The following FER variants were observed in gnomAD, a reference collection of about 807,000 sequenced individuals.
FER encodes the protein tyrosine-protein kinase Fer.
A neutral mutation model predicts 111.0 loss-of-function variants in FER; 63 were observed. The observed-to-expected ratio is 0.57, with a 90% CI of 0.46 to 0.70. The LOEUF is 0.70. Among genes scored for constraint, FER ranks in the 30% least tolerant of loss-of-function variants. FER has a pLI of 0.00. For synonymous variants in FER, 327 were observed against 313.9 expected, an observed-to-expected ratio of 1.04 and a Z score of -0.44; for missense variants, 914 against 954.0, an observed-to-expected ratio of 0.96 and a Z score of 0.55.
At chr5:109,100,859 T>G (rs1748140738) in intron 17 of FER, among the ~76,000 whole-genome samples, 1 of 135,094 alleles carries the variant, frequency 7.4e-6, no homozygotes, top group Admixed American at 7.1e-5. Context: ...ATGTGTTGTC[T>G]ATTCTCATTT....
chr5:108,797,778 T>A (rs1055602404), intron 2 of FER, among the ~76,000 whole-genome samples: 1 of 152,234 alleles, frequency 6.6e-6, no homozygotes, highest in Non-Finnish European at 1.5e-5. Flanking sequence ...GAGGCATAAT[T>A]GGTGGAGGCT....
chr5:108,860,371 C>G (rs1231321508), intron 5 of FER, among the ~76,000 whole-genome samples: 2 of 152,118 alleles, frequency 1.3e-5, no homozygotes, highest in Non-Finnish European at 2.9e-5. Context: ...GCCATTTAAT[C>G]TACATTACAA....
intron 10 of FER, among the ~76,000 whole-genome samples, chr5:108,922,211 G>T (rs933263406): frequency 1.3e-5 from 2 of 152,146 alleles, no homozygotes; most frequent in African/African-American, 4.8e-5. Context: ...TCAGACTTCT[G>T]GCCTCCAGAA....
intron 10 of FER, among the ~76,000 whole-genome samples, chr5:108,898,313 C>T (rs995516497): frequency 6.6e-6 from 1 of 152,112 alleles, no homozygotes; most frequent in African/African-American, 2.4e-5. Context: ...CCTTAGACTA[C>T]AATAAATACA....
At chr5:108,802,829 A>G (rs1756819104) in intron 3 of FER, among the ~76,000 whole-genome samples, 1 of 152,080 alleles carries the variant, frequency 6.6e-6, no homozygotes, top group African/African-American at 2.4e-5. Context: ...GTTTGGTAGA[A>G]CTATTTATTT....
intron 9 of FER, among the ~76,000 whole-genome samples, chr5:108,885,954 T>G (rs1040241016): frequency 2.0e-5 from 3 of 151,936 alleles, no homozygotes; most frequent in African/African-American, 7.2e-5. Context: ...ACAAAAGAAT[T>G]ATCTTTTGCT....
chr5:108,959,115 A>T (rs1242344777), intron 12 of FER, 110 bp from the exon 13 acceptor site: 2 of 1,082,036 alleles, frequency 1.8e-6, no homozygotes, highest in East Asian at 2.5e-5. Flanking sequence ...GTATATTCAC[A>T]TTGTTGTGCA....
At chr5:109,169,059 C>A (rs1284423139) in intron 17 of FER, among the ~76,000 whole-genome samples, 1 of 152,082 alleles carries the variant, frequency 6.6e-6, no homozygotes, top group Admixed American at 6.6e-5. Context: ...TTTGCTCAGA[C>A]AAATAATCCT....
chr5:108,809,901 A>G (rs1195764923), intron 3 of FER, among the ~76,000 whole-genome samples: 2 of 152,118 alleles, frequency 1.3e-5, no homozygotes, highest in South Asian at 4.1e-4. Context: ...CTGAGTTTCC[A>G]GTTTGGTTAC....
intron 5 of FER, chr5:108,842,497 C>G (rs555399050): frequency 6.6e-6 from 1 of 152,096 alleles, no homozygotes; most frequent in Admixed American, 6.5e-5. Flanking sequence ...ATACACCTAA[C>G]AAAGGACTAA....
At chr5:108,903,955 C>A (rs77519260) in intron 10 of FER, among the ~76,000 whole-genome samples, 1 of 152,098 alleles carries the variant, frequency 6.6e-6, no homozygotes, top group Non-Finnish European at 1.5e-5. Context: ...AATGATATGC[C>A]TGCTGTTCTT....
At chr5:108,872,255 T>C in intron 8 of FER, 43 bp downstream of exon 8, 1 of 1,500,278 alleles carries the variant, frequency 6.7e-7, no homozygotes, top group South Asian at 1.2e-5. Context: ...ACTAGTATTA[T>C]TATTGCTTTA....
Position 108,946,220 on chromosome 5 carries a change from G to A in FER, c.1327G>A (p.Ala443Thr), listed in dbSNP as rs34259824. ...RSPKSALGSSALSDMISISEK... is the reference protein window; with the variant it reads ...RSPKSALGSSTLSDMISISEK... ...TCCAAAATCTGCACTGGGCTCTTCA[G>A]CAGTAAGTAGGATTAACTCTCTGTG... The change falls in exon 11 of 20, where the codon GCA (alanine) becomes ACA (threonine). Residue 443 changes from alanine (A) to threonine (T), a missense_variant and splice_region_variant. Coordinates refer to ENST00000281092, the MANE Select transcript of FER (RefSeq NM_005246.4). 1 of 1,607,332 alleles carries A rather than the reference G, an allele frequency of 6.2e-7. No homozygotes were observed. Among genetic ancestry groups the A allele is most frequent in the Non-Finnish European group, 8.5e-7 (1 of 1,175,014 alleles).
intron 8 of FER, among the ~76,000 whole-genome samples, chr5:108,874,855 A>G (rs1764930589): frequency 6.6e-6 from 1 of 152,152 alleles, no homozygotes; most frequent in Non-Finnish European, 1.5e-5. Context: ...TTAACTTACC[A>G]GATTAGAAAA....
rs138234197 is a variant in FER at position 108,908,394 on chromosome 5, C to G, written c.1236+10546C>G. 5.6e-4 allele frequency among the ~76,000 whole-genome samples: 85 copies of G among 152,050 alleles called. 1 individual carries two copies. The East Asian group carries it at 0.015, about 27-fold the overall frequency. On this transcript the variant is annotated intron_variant, in intron 10 of 19. Coordinates refer to ENST00000281092, the MANE Select transcript of FER (RefSeq NM_005246.4). The stretch of plus-strand genomic sequence containing the variant: ...ATTCATAGATTAATAGTTCTTTTTT[C>G]TGCCTATACAATAGTTTTTGGGTGC...
intron 13 of FER, among the ~76,000 whole-genome samples, chr5:108,993,623 G>A (rs965876043): frequency 1.0e-3 from 121 of 116,904 alleles, no homozygotes; most frequent in African/African-American, 2.7e-3. Context: ...GGGCAAGGGC[G>A]AGGGCGAGGG....
chr5:108,869,244 A>G (rs1764371785), intron 6 of FER, among the ~76,000 whole-genome samples: 1 of 152,158 alleles, frequency 6.6e-6, no homozygotes, highest in Non-Finnish European at 1.5e-5. Context: ...AGAGTTAGGA[A>G]GTACAGGTTA....
chr5:108,824,203 A>C (rs539141207), intron 3 of FER, among the ~76,000 whole-genome samples: 200 of 152,270 alleles, frequency 1.3e-3, no homozygotes, highest in African/African-American at 4.3e-3. Context: ...TAGTTTGGAA[A>C]AAGGAAGTAT....
At chr5:108,829,340 TA>T (rs920032671) in intron 3 of FER, among the ~76,000 whole-genome samples, 114 of 152,164 alleles carry the variant, frequency 7.5e-4, no homozygotes, top group African/African-American at 2.6e-3. Flanking sequence ...AATTCTGTGT[TA>T]AAAAAAATAT....
Sources: gnomAD v4.1 joint callset for allele counts (sites outside exome capture counted in the v4.1 genomes callset) on GRCh38, gnomAD v4.1.1 for gene constraint, MANE v1.5 for transcripts, NCBI Gene and HGNC (gene_info 2026-07-23, HGNC 2026-07-21) for gene names.